The following PHTF2 variants were observed in gnomAD, a reference collection of about 807,000 sequenced individuals.
PHTF2 encodes putative homeodomain transcription factor 2.
Under a neutral mutation model 101.2 loss-of-function variants are expected in PHTF2, and 60 were observed. The ratio of observed to expected loss-of-function variants is 0.59; its 90% CI spans 0.48 to 0.73. PHTF2 has a LOEUF of 0.73. Ranked by LOEUF, PHTF2 falls within the 30% of genes least tolerant of loss-of-function variation. The probability of loss-of-function intolerance (pLI) is 0.00; values close to 1 mark genes in which losing one functional copy is unlikely to be tolerated. For synonymous variants in PHTF2, 311 were observed against 307.3 expected (o/e 1.01, Z -0.13); for missense variants, 747 against 908.7 (o/e 0.82, Z 2.29).
At chr7:77,894,815 G>A (rs1800745315) in intron 5 of PHTF2, among the ~76,000 whole-genome samples, 1 of 152,144 alleles carries the variant, frequency 6.6e-6, no homozygotes, top group Non-Finnish European at 1.5e-5. Context: ...CAGATGAAGA[G>A]CAGATGGAAA....
rs34376513 is a variant in PHTF2 at position 77,915,979 on chromosome 7, C to CTGTGTGTGTG, written c.777-4278_777-4269dup. ...AATATCAGAAGGTAGATTTGTGTGT[C>CTGTGTGTGTG]TGTGTGTGTGTGTGTGTGTGTGTGT... On this transcript the variant is annotated intron_variant, in intron 9 of 19. Coordinates refer to ENST00000416283, the Ensembl canonical transcript of PHTF2. 2.2e-4 allele frequency among the ~76,000 whole-genome samples: 32 copies of CTGTGTGTGTG among 147,916 alleles called. No individual in the cohort carries two copies. In the East Asian group the frequency reaches 2.8e-3, roughly 13 times the overall value.
intron 16 of PHTF2, among the ~76,000 whole-genome samples, chr7:77,944,273 A>G (rs1432454881): frequency 6.6e-6 from 1 of 152,114 alleles, no homozygotes; most frequent in Non-Finnish European, 1.5e-5. Context: ...TGACCTGTGT[A>G]CCTCCCTACT....
chr7:77,820,178 C>G (rs1421149008), intron 1 of PHTF2, among the ~76,000 whole-genome samples: 1 of 152,104 alleles, frequency 6.6e-6, no homozygotes, highest in East Asian at 1.9e-4. Context: ...CGTGAGCCAC[C>G]GCACCCGGCT....
At chr7:77,937,210 T>C (rs536812733) in intron 12 of PHTF2, among the ~76,000 whole-genome samples, 6 of 152,314 alleles carry the variant, frequency 3.9e-5, no homozygotes, top group African/African-American at 1.4e-4. Context: ...TAGCACTATA[T>C]GGTCTTTCAA....
chr7:77,920,333 T>C (rs940428856), exon 10 of PHTF2: 5 of 1,608,360 alleles, frequency 3.1e-6, no homozygotes, highest in Admixed American at 1.7e-5. Flanking sequence ...ACAATGGCTA[T>C]GTATCCCTTG....
chr7:77,822,577 G>A (rs917158831), intron 1 of PHTF2, among the ~76,000 whole-genome samples: 2 of 152,154 alleles, frequency 1.3e-5, no homozygotes, highest in Admixed American at 1.3e-4. Context: ...AGTAAGGATT[G>A]TAGGTGTTTG....
At chr7:77,929,075 A>G in intron 11 of PHTF2, 34 bp from the exon 11 acceptor site, 1 of 1,490,986 alleles carries the variant, frequency 6.7e-7, no homozygotes, top group South Asian at 1.2e-5. Context: ...GAGTACATAA[A>G]TTGTATTAAT....
chr7:77,932,203 A>G (rs887310285), intron 12 of PHTF2, among the ~76,000 whole-genome samples: 2 of 152,198 alleles, frequency 1.3e-5, no homozygotes, highest in Non-Finnish European at 2.9e-5. Context: ...ACTCCCTAAT[A>G]TATGAGATAT....
chr7:77,954,612 G>GTGTGTATATATATATATATATATATATA (rs1426693429), intron 19 of PHTF2, among the ~76,000 whole-genome samples: 3 of 90,200 alleles, frequency 3.3e-5, no homozygotes, highest in Admixed American at 2.4e-4. Flanking sequence ...CAAGTACTGT[G>GTGTGTATATATATATATATATATATATA]TATATATATA....
In PHTF2 at chr7:77,929,919, A is replaced by G. The variant is rs1481194189; in HGVS notation, c.1338+592A>G. Among the ~76,000 whole-genome samples, 3 of 151,454 alleles carry G rather than the reference A, an allele frequency of 2.0e-5. No homozygotes were observed. In the East Asian group the frequency reaches 5.8e-4, roughly 29 times the overall value. Reference sequence around the variant, plus strand: ...TCTTCAAAATCTGGTGTAAACACTTAGAGCACATCTCATTTTGGACTAGCC... The same window carrying G: ...TCTTCAAAATCTGGTGTAAACACTTGGAGCACATCTCATTTTGGACTAGCC... On this transcript the variant is annotated intron_variant, in intron 12 of 19. Transcript: ENST00000416283.
intron 1 of PHTF2, among the ~76,000 whole-genome samples, chr7:77,819,958 C>T (rs972465672): frequency 1.6e-4 from 24 of 151,912 alleles, no homozygotes; most frequent in African/African-American, 4.8e-4. Flanking sequence ...GGTGTGATCT[C>T]GACTCACTGC....
rs1011323481 is a variant in PHTF2, at chr7:77,957,227, G to A, written c.*2349G>A. The stretch of plus-strand genomic sequence containing the variant: ...TAAAATAAAACATTCTGTGACTGAC[G>A]GTGTTTTTTTTTTTAATTTTCAGGT... On this transcript the variant is annotated 3_prime_UTR_variant, in exon 20 of 20. Transcript: ENST00000416283. 2 of 151,402 alleles carry A rather than the reference G, an allele frequency of 1.3e-5. No homozygotes were observed. Among genetic ancestry groups the A allele is most frequent in the Admixed American group, 1.3e-4 (2 of 15,172 alleles). 9.4% of individuals were successfully genotyped at this position (151,402 alleles called of 1,614,324 possible).
chr7:77,930,126 A>T (rs1411717384), intron 12 of PHTF2, among the ~76,000 whole-genome samples: 1 of 151,530 alleles, frequency 6.6e-6, no homozygotes, highest in Non-Finnish European at 1.5e-5. Flanking sequence ...GCTAATTTTT[A>T]TGTTATTAGT....
intron 1 of PHTF2, among the ~76,000 whole-genome samples, chr7:77,829,661 A>T (rs1584420868): frequency 6.6e-6 from 1 of 152,288 alleles, no homozygotes; most frequent in South Asian, 2.1e-4. Context: ...CTTAACATTT[A>T]TTACCCTTTA....
At chr7:77,884,817 T>G (rs553638237) in intron 3 of PHTF2, among the ~76,000 whole-genome samples, 1 of 152,288 alleles carries the variant, frequency 6.6e-6, no homozygotes, top group Admixed American at 6.5e-5. Flanking sequence ...GAGAATCGCT[T>G]GAACCTGGGA....
chr7:77,825,646 A>G (rs1562847194), intron 1 of PHTF2, among the ~76,000 whole-genome samples: 1 of 152,208 alleles, frequency 6.6e-6, no homozygotes, highest in Non-Finnish European at 1.5e-5. Context: ...GTAGATTAAG[A>G]GTAGTTCCTG....
intron 3 of PHTF2, among the ~76,000 whole-genome samples, chr7:77,884,666 G>A (rs1799677016): frequency 6.6e-6 from 1 of 152,184 alleles, no homozygotes; most frequent in Admixed American, 6.5e-5. Flanking sequence ...GTAGGCCGAG[G>A]CAGGTGGATC....
At chr7:77,833,487 C>T (rs1034825093) in intron 1 of PHTF2, among the ~76,000 whole-genome samples, 6 of 152,226 alleles carry the variant, frequency 3.9e-5, no homozygotes, top group Admixed American at 6.5e-5. Context: ...TAGGGCCAAG[C>T]GCAGTGGCTC....
At chr7:77,830,598 T>A (rs1795008071) in intron 1 of PHTF2, among the ~76,000 whole-genome samples, 2 of 152,198 alleles carry the variant, frequency 1.3e-5, no homozygotes, top group African/African-American at 4.8e-5. Flanking sequence ...TATGAGAGTC[T>A]AATGCCTGAT....
Sources: allele counts gnomAD v4.1 joint callset (sites outside exome capture counted in the v4.1 genomes callset), GRCh38; gene constraint gnomAD v4.1.1; transcripts MANE v1.5; gene names NCBI Gene and HGNC (gene_info 2026-07-23, HGNC 2026-07-21).